The following DGKK variants were observed in gnomAD, a reference collection of about 807,000 sequenced individuals.
DGKK encodes 142 kDa diacylglycerol kinase.
In DGKK, 35 loss-of-function variants were observed where a neutral mutation model predicts 92.2. That is an observed-to-expected ratio of 0.38 (90% CI 0.29 to 0.50). The LOEUF is 0.50. DGKK is among the 20% of genes least tolerant of loss of function. DGKK has a pLI of 0.92. For missense variants in DGKK, 910 were observed against 992.2 expected, an observed-to-expected ratio of 0.92 and a Z score of 1.11; for synonymous variants, 368 against 360.6, an observed-to-expected ratio of 1.02 and a Z score of -0.23.
chrX:50,396,349 G>A (rs1461325505), intron 8 of DGKK, among the ~76,000 whole-genome samples: 1 of 111,882 alleles, frequency 8.9e-6, no homozygotes, highest in Non-Finnish European at 1.9e-5. Context: ...GGGGGCTGTA[G>A]GAGATTGAGA....
chrX:50,405,472 T>C lies in DGKK; in HGVS notation c.943-1288A>G, dbSNP rs1310610874. The stretch of plus-strand genomic sequence containing the variant: ...ATAATGAGTTGGGTGTGTAAAGGCA[T>C]GACAAGACTTTAAAAAGAACTATAT... On this transcript the variant is annotated intron_variant, in intron 4 of 27. Coordinates refer to ENST00000611977, the MANE Select transcript of DGKK (RefSeq NM_001013742.4). Among the ~76,000 whole-genome samples the C allele has an allele frequency of 6.3e-5, 7 of 110,325 alleles. No homozygotes were observed. The East Asian group carries it at 8.6e-4, about 13-fold the overall frequency.
chrX:50,406,399 T>C (rs1557227291), intron 4 of DGKK, among the ~76,000 whole-genome samples: 2 of 111,797 alleles, frequency 1.8e-5, no homozygotes, highest in Non-Finnish European at 1.9e-5. Context: ...TCCTAACCCT[T>C]GGTACCTATG....
chrX:50,469,896 T>A, intron 1 of DGKK, 138 bp downstream of exon 1: 6 of 891,864 alleles, frequency 6.7e-6, no homozygotes, highest in Middle Eastern at 5.1e-4. Context: ...GGGTTCCCCA[T>A]CCCTGCATCT....
intron 3 of DGKK, among the ~76,000 whole-genome samples, chrX:50,421,273 T>C (rs782667649): frequency 8.9e-6 from 1 of 111,833 alleles, no homozygotes; most frequent in East Asian, 2.8e-4. Flanking sequence ...GGAGGGATCA[T>C]GGATAGCTAC....
chrX:50,455,138 T>C (rs1926579282), intron 1 of DGKK, among the ~76,000 whole-genome samples: 1 of 112,217 alleles, frequency 8.9e-6, no homozygotes, highest in Non-Finnish European at 1.9e-5. Context: ...CTTCCCTTTG[T>C]TTCCTCCACT....
intron 4 of DGKK, among the ~76,000 whole-genome samples, chrX:50,412,945 C>G (rs928093797): frequency 9.0e-6 from 1 of 111,298 alleles, no homozygotes; most frequent in Non-Finnish European, 1.9e-5. Context: ...TGCCTGAGCT[C>G]TACCTCCTGT....
chrX:50,384,686 C>A, intron 16 of DGKK, 34 bp downstream of exon 16: 1 of 1,152,505 alleles, frequency 8.7e-7, no homozygotes, highest in Non-Finnish European at 1.2e-6. Context: ...GTGACGAAGG[C>A]TAGAATAAGG....
intron 10 of DGKK, 33 bp downstream of exon 10, chrX:50,392,308 G>A (rs377733921): frequency 1.3e-4 from 142 of 1,106,572 alleles, no homozygotes; most frequent in Non-Finnish European, 1.7e-4. Flanking sequence ...ACTCTTTCTA[G>A]CAATGGCTAA....
intron 4 of DGKK, among the ~76,000 whole-genome samples, chrX:50,406,574 A>G (rs1000088844): frequency 8.9e-6 from 1 of 111,956 alleles, no homozygotes; most frequent in African/African-American, 3.3e-5. Context: ...TTGTAAAGAT[A>G]CAGAGCACAC....
At chrX:50,403,742 A>G (rs1459855218) in intron 5 of DGKK, 145 bp from the exon 6 acceptor site, 3 of 503,824 alleles carry the variant, frequency 6.0e-6, no homozygotes, top group Non-Finnish European at 9.8e-6. Flanking sequence ...TTCCAATAGG[A>G]TCCAGTTCCT....
intron 8 of DGKK, among the ~76,000 whole-genome samples, chrX:50,396,924 A>G (rs1557226170): frequency 1.8e-5 from 2 of 112,357 alleles, no homozygotes; most frequent in African/African-American, 6.5e-5. Context: ...GAAACATAGA[A>G]GTCTGGCTTG....
intron 16 of DGKK, 30 bp downstream of exon 16, chrX:50,384,690 A>G: frequency 8.6e-7 from 1 of 1,163,318 alleles, no homozygotes; most frequent in Non-Finnish European, 1.2e-6. Flanking sequence ...CGAAGGCTAG[A>G]ATAAGGGAAG....
At chrX:50,394,523 T>C (rs1924789820) in intron 8 of DGKK, among the ~76,000 whole-genome samples, 1 of 111,868 alleles carries the variant, frequency 8.9e-6, no homozygotes, top group Non-Finnish European at 1.9e-5. Context: ...AAGTAGTTAC[T>C]TTCCCCGAAT....
At chrX:50,433,723 A>G (rs1925949498) in intron 1 of DGKK, among the ~76,000 whole-genome samples, 1 of 111,508 alleles carries the variant, frequency 9.0e-6, no homozygotes, top group Non-Finnish European at 1.9e-5. Context: ...ACCATTGGAG[A>G]GCCAAAAGCC....
chrX:50,440,068 A>C (rs1926130629), intron 1 of DGKK, among the ~76,000 whole-genome samples: 1 of 111,620 alleles, frequency 9.0e-6, no homozygotes, highest in Non-Finnish European at 1.9e-5. Flanking sequence ...ATGCTCTCGA[A>C]TGTTTATTAT....
rs1924006282 is a variant in DGKK at position 50,367,718 on chromosome X, C to T, written c.*1222G>A. 1 of 111,244 alleles carries T rather than the reference C, an allele frequency of 9.0e-6. No individual in the cohort carries two copies. The highest frequency in any genetic ancestry group is 3.9e-4 in the South Asian group (1 of 2,580). 9.2% of individuals were successfully genotyped at this position (111,244 alleles called of 1,213,427 possible). ...ATATAGTCTTTTTATTGGGGAAGGG[C>T]ACAGTTGCTGATGAAGAGTCTAGGA... On this transcript the variant is annotated 3_prime_UTR_variant, in exon 28 of 28. Coordinates refer to ENST00000611977, the MANE Select transcript of DGKK (RefSeq NM_001013742.4).
chrX:50,404,245 G>A (rs978346155), intron 4 of DGKK, 61 bp from the exon 5 acceptor site: 2 of 1,136,184 alleles, frequency 1.8e-6, no homozygotes, highest in Admixed American at 2.6e-5. Flanking sequence ...ATTAAAGAGG[G>A]CCTGAAAATC....
At chrX:50,467,984 C>A (rs1386545988) in intron 1 of DGKK, among the ~76,000 whole-genome samples, 4 of 112,092 alleles carry the variant, frequency 3.6e-5, no homozygotes, top group Non-Finnish European at 7.5e-5. Flanking sequence ...AGTGATTCAA[C>A]AAATGTCTGG....
chrX:50,467,464 T>C (rs1365314385), intron 1 of DGKK, among the ~76,000 whole-genome samples: 1 of 113,191 alleles, frequency 8.8e-6, no homozygotes, highest in African/African-American at 3.2e-5. Flanking sequence ...TTTCATCCTT[T>C]GAATTATCAG....
Sources: allele counts gnomAD v4.1 joint callset (sites outside exome capture counted in the v4.1 genomes callset), GRCh38; gene constraint gnomAD v4.1.1; transcripts MANE v1.5; gene names NCBI Gene and HGNC (gene_info 2026-07-23, HGNC 2026-07-21).